RHD: variants seen among roughly 807,000 people sequenced by gnomAD.
RHD encodes the protein Rh blood group D antigen.
Under a neutral mutation model 45.5 loss-of-function variants are expected in RHD, and 16 were observed. The observed-to-expected ratio is 0.35, with a 90% confidence interval of 0.24 to 0.53. RHD has a LOEUF of 0.53. Among genes scored for constraint, RHD ranks in the 20% least tolerant of loss-of-function variants. RHD has a pLI of 0.92. For synonymous variants in RHD, 131 were observed against 217.5 expected, an observed-to-expected ratio of 0.60 and a Z score of 3.50; for missense variants, 306 against 532.0, an observed-to-expected ratio of 0.58 and a Z score of 4.18.
chr1:25,301,599 G>A lies in RHD; in HGVS notation c.714G>A (p.Val238=), dbSNP rs1415798669. The change falls in exon 5 of 10, where the codon GTG becomes GTA. Residue 238 remains valine (V), a synonymous_variant. Transcript: ENST00000328664. The part of the protein sequence containing the change: ...LRSPIERKNA[V]FNTYYAVAVS... ...GTCCAATCGAAAGGAAGAATGCCGT[G>A]TTCAACACCTACTATGCTGTAGCAG... 7.2e-7 allele frequency: 1 copy of A among 1,380,096 alleles called. No individual in the cohort carries two copies. Among genetic ancestry groups the A allele is most frequent in the Non-Finnish European group, 1.0e-6 (1 of 979,346 alleles). 85.5% of individuals were successfully genotyped at this position (1,380,096 alleles called of 1,614,324 possible). A position where few individuals can be genotyped will look rare whatever the true frequency, so the allele number is the denominator to read the frequency against.
rs1643146719 is a variant in RHD at position 25,298,868 on chromosome 1, G to T, written c.487-2078G>T. Among the ~76,000 whole-genome samples the T allele has an allele frequency of 1.6e-5, 2 of 128,960 alleles. 1 individual carries two copies. Among genetic ancestry groups the T allele is most frequent in the African/African-American group, 5.3e-5 (2 of 37,540 alleles). 84.6% of individuals were successfully genotyped at this position (128,960 alleles called of 152,430 possible). On this transcript the variant is annotated intron_variant, in intron 3 of 9. Coordinates refer to ENST00000328664, the MANE Select transcript of RHD (RefSeq NM_016124.6). ...AAAATGAAATGGAGAAAAGAAACAC[G>T]AAAAGTTGGGGAGAGAGGATAACTG...
chr1:25,309,488 C>G (rs896194618), intron 7 of RHD, among the ~76,000 whole-genome samples: 3 of 131,364 alleles, frequency 2.3e-5, no homozygotes, highest in African/African-American at 7.9e-5. Flanking sequence ...CCTCCCATTT[C>G]CCTTCTATTT....
At chr1:25,301,840 T>G (rs188009486) in intron 5 of RHD, among the ~76,000 whole-genome samples, 154 bp downstream of exon 5, 1 of 132,098 alleles carries the variant, frequency 7.6e-6, no homozygotes, top group East Asian at 2.0e-4. Flanking sequence ...CTAGGTAGAA[T>G]GCTGGGTGGT....
At chr1:25,312,938 A>AAAAAAAAC (rs1644234639) in intron 7 of RHD, among the ~76,000 whole-genome samples, 1 of 107,268 alleles carries the variant, frequency 9.3e-6, no homozygotes, top group African/African-American at 2.9e-5. Flanking sequence ...AAAAAAAAAA[A>AAAAAAAAC]AAAAAAAAAA....
At position 25,300,145 on chromosome 1, in the gene RHD, G is replaced by A. The variant is rs1301171380; in HGVS notation, c.487-801G>A. On this transcript the variant is annotated intron_variant, in intron 3 of 9. Transcript: ENST00000328664. The stretch of plus-strand genomic sequence containing the variant: ...ATCACTCCCGCAGAGTTAAAATTCC[G>A]CTGAGAAGTAGGAATCAGTGAGGTG... Among the ~76,000 whole-genome samples, 29 of 131,352 alleles carry A rather than the reference G, an allele frequency of 2.2e-4. 6 individuals carry two copies. Among genetic ancestry groups the A allele is most frequent in the African/African-American group, 7.1e-4 (27 of 38,100 alleles). The allele number at this position is 131,352 out of a possible 152,430, so 86.2% of individuals were successfully genotyped here.
chr1:25,278,565 C>T (rs537131088), intron 1 of RHD, among the ~76,000 whole-genome samples: 1 of 131,498 alleles, frequency 7.6e-6, no homozygotes, highest in Non-Finnish European at 1.8e-5. Flanking sequence ...ACCTCATTCA[C>T]GTGTTTGGCA....
intron 1 of RHD, among the ~76,000 whole-genome samples, chr1:25,277,873 C>A (rs1195794811): frequency 7.6e-6 from 1 of 131,876 alleles, no homozygotes; most frequent in African/African-American, 2.6e-5. Context: ...GGGGTTTCTC[C>A]ATGTTGGTGA....
At chr1:25,298,534 C>G (rs550353917) in intron 3 of RHD, among the ~76,000 whole-genome samples, 2 of 130,532 alleles carry the variant, frequency 1.5e-5, no homozygotes, top group East Asian at 3.9e-4. Context: ...TATTCCAGGC[C>G]AAGAATCCCC....
rs1294758005 is a variant in RHD at position 25,312,623 on chromosome 1, A to G, written c.1074-4377A>G. Among the ~76,000 whole-genome samples, 12 of 128,924 alleles carry G rather than the reference A, an allele frequency of 9.3e-5. 3 individuals carry two copies. The highest frequency in any genetic ancestry group is 2.1e-4 in the African/African-American group (8 of 37,964). 84.6% of individuals were successfully genotyped at this position (128,924 alleles called of 152,430 possible). A position where few individuals can be genotyped will look rare whatever the true frequency, so the allele number is the denominator to read the frequency against. On this transcript the variant is annotated intron_variant, in intron 7 of 9. Transcript: ENST00000328664. Reference sequence around the variant, plus strand: ...AAATTAGCCAGGTATTGTGGCATATACCTGTAATTCTAGCTACTCAGGAGG... The same window carrying G: ...AAATTAGCCAGGTATTGTGGCATATGCCTGTAATTCTAGCTACTCAGGAGG...
chr1:25,313,609 T>C (rs114201155), intron 7 of RHD, among the ~76,000 whole-genome samples: 1,676 of 132,010 alleles, frequency 0.013, 443 homozygotes, highest in Non-Finnish European at 0.023. Flanking sequence ...AGTTCCCCTG[T>C]AAACAAGAGG....
At position 25,321,801 on chromosome 1, in the gene RHD, T is replaced by C. The variant is rs548245953; in HGVS notation, c.1154-88T>C. ...AAAAAGGATTTCTGTTGAGATACTG[T>C]CGTTTTGACACACAATATTTCGATT... On this transcript the variant is annotated intron_variant, in intron 8 of 9. Transcript: ENST00000328664. 3.0e-5 allele frequency: 21 copies of C among 700,670 alleles called. 3 individuals are homozygous for C. The African/African-American group carries it at 3.4e-4, about 11-fold the overall frequency. 43.4% of individuals were successfully genotyped at this position (700,670 alleles called of 1,614,324 possible). A position where few individuals can be genotyped will look rare whatever the true frequency, so the allele number is the denominator to read the frequency against.
In RHD at chr1:25,309,202, C is replaced by G. The variant is rs192290963; in HGVS notation, c.1073+2473C>G. 8.8e-4 allele frequency among the ~76,000 whole-genome samples: 116 copies of G among 131,844 alleles called. 23 individuals carry two copies. The highest frequency in any genetic ancestry group is 2.9e-3 in the African/African-American group (110 of 38,032). The allele number at this position is 131,844 out of a possible 152,430, so 86.5% of individuals were successfully genotyped here. On this transcript the variant is annotated intron_variant, in intron 7 of 9. Transcript: ENST00000328664. ...ATTGAGTCAGATGCTGTGATCAGAA[C>G]CAGGATGGAGCATTTCCCACAAACT... is the stretch of plus-strand genomic sequence containing the variant.
chr1:25,281,474 C>T, intron 1 of RHD, among the ~76,000 whole-genome samples: 1 of 132,050 alleles, frequency 7.6e-6, no homozygotes, highest in Non-Finnish European at 1.8e-5. Flanking sequence ...CTTTAACAAT[C>T]GTGTTTAATA....
At chr1:25,285,419 C>T (rs1641892927) in intron 2 of RHD, among the ~76,000 whole-genome samples, 1 of 134,950 alleles carries the variant, frequency 7.4e-6, no homozygotes, top group South Asian at 2.2e-4. Context: ...CAGACATGAG[C>T]CACCGCGTCC....
At chr1:25,290,554 AGAAT>A (rs112473736) in intron 2 of RHD, 83 bp from the exon 3 acceptor site, 32,748 of 1,095,748 alleles carry the variant, frequency 0.03, 6,060 homozygotes, top group African/African-American at 0.071. Flanking sequence ...GTTTGTTGAA[AGAAT>A]GAATGAATGA....
chr1:25,325,053 A>AG (rs1262504982), intron 9 of RHD, among the ~76,000 whole-genome samples: 103 of 50,674 alleles, frequency 2.0e-3, no homozygotes, highest in African/African-American at 8.8e-3. Context: ...GTCTCAAAAG[A>AG]GAAAAAAAAA....
In RHD at chr1:25,284,736, G is replaced by T; in HGVS notation, c.312G>T (p.Gly104=). 7.2e-7 allele frequency: 1 copy of T among 1,388,988 alleles called. No homozygotes were observed. Among genetic ancestry groups the T allele is most frequent in the African/African-American group, 1.4e-5 (1 of 71,368 alleles). 86.0% of individuals were successfully genotyped at this position (1,388,988 alleles called of 1,614,324 possible). The part of the protein sequence containing the change: ...LDGFLSQFPS[G]KVVITLFSIR... ...GCTTCCTGAGCCAGTTCCCTTCTGG[G>T]AAGGTGGTCATCACACTGTTCAGGT... The change falls in exon 2 of 10, where the codon GGG becomes GGT. Residue 104 remains glycine, a synonymous_variant. Coordinates refer to ENST00000328664, the MANE Select transcript of RHD (RefSeq NM_016124.6).
At chr1:25,322,494 G>C in intron 9 of RHD, among the ~76,000 whole-genome samples, 1 of 132,290 alleles carries the variant, frequency 7.6e-6, no homozygotes, top group South Asian at 2.3e-4. Flanking sequence ...CCAACGTGTC[G>C]AAACCCCATC....
rs1355317412 is a variant in RHD, at chr1:25,295,867, T to G, written c.486+5076T>G. On this transcript the variant is annotated intron_variant, in intron 3 of 9. Transcript: ENST00000328664. Reference sequence around the variant, plus strand: ...TATGGGAAATTTTTTTTTTTTTTTTTTTTTTTTTTTTTGAGATGGAGTTTC... The same window carrying G: ...TATGGGAAATTTTTTTTTTTTTTTTGTTTTTTTTTTTTGAGATGGAGTTTC... 9.3e-4 allele frequency among the ~76,000 whole-genome samples: 98 copies of G among 104,826 alleles called. 20 individuals carry two copies. In the East Asian group the frequency reaches 9.5e-3, roughly 10 times the overall value. 68.8% of individuals were successfully genotyped at this position (104,826 alleles called of 152,430 possible).
Sources: gnomAD v4.1 joint callset for allele counts (sites outside exome capture counted in the v4.1 genomes callset) on GRCh38, gnomAD v4.1.1 for gene constraint, MANE v1.5 for transcripts, NCBI Gene and HGNC (gene_info 2026-07-23, HGNC 2026-07-21) for gene names.